FRAS1: variants seen among roughly 807,000 people sequenced by gnomAD.
The protein encoded by FRAS1 is extracellular matrix organizing protein FRAS1.
A neutral mutation model predicts 435.2 loss-of-function variants in FRAS1; 290 were observed. The ratio of observed to expected loss-of-function variants is 0.67; its 90% CI spans 0.61 to 0.73. FRAS1 has a LOEUF of 0.73. Among genes scored for constraint, FRAS1 ranks in the 30% least tolerant of loss-of-function variants. The probability of loss-of-function intolerance (pLI) is 0.00; values close to 1 mark genes in which losing one functional copy is unlikely to be tolerated. For synonymous variants in FRAS1, 1,800 were observed against 1,851.0 expected, an observed-to-expected ratio of 0.97 and a Z score of 0.71; for missense variants, 4,860 against 5,001.5, an observed-to-expected ratio of 0.97 and a Z score of 0.85.
intron 58 of FRAS1, among the ~76,000 whole-genome samples, chr4:78,482,864 C>T (rs1385448560): frequency 6.6e-6 from 1 of 152,092 alleles, no homozygotes; most frequent in Non-Finnish European, 1.5e-5. Context: ...TACTATACAT[C>T]CAGCACTATG....
intron 20 of FRAS1, among the ~76,000 whole-genome samples, chr4:78,355,108 G>A (rs1730798322): frequency 6.6e-6 from 1 of 151,998 alleles, no homozygotes; most frequent in South Asian, 2.1e-4. Context: ...TCTACGTGCT[G>A]TGCATATTTA....
At chr4:78,440,222 C>CG (rs1409361196) in intron 40 of FRAS1, among the ~76,000 whole-genome samples, 19 of 151,392 alleles carry the variant, frequency 1.3e-4, no homozygotes, top group Admixed American at 1.2e-3. Context: ...TTAGTAGAGA[C>CG]GGGGTTTCAC....
intron 12 of FRAS1, among the ~76,000 whole-genome samples, chr4:78,283,470 A>T (rs1727427004): frequency 6.6e-6 from 1 of 152,244 alleles, no homozygotes; most frequent in South Asian, 2.1e-4. Flanking sequence ...TTGTTCTGCA[A>T]TTCTGCTTTC....
chr4:78,543,262 T>C lies in FRAS1; in HGVS notation c.*2138T>C, dbSNP rs1722110601. On this transcript the variant is annotated 3_prime_UTR_variant, in exon 74 of 74. Coordinates refer to ENST00000512123, the MANE Select transcript of FRAS1 (RefSeq NM_025074.7). ...CCAGAACAACCTAGAGAGTGAATGCTAATTTGTAGAGCGAACTTCCATTTG... is the reference window on the plus strand; with the variant it reads ...CCAGAACAACCTAGAGAGTGAATGCCAATTTGTAGAGCGAACTTCCATTTG... The C allele has an allele frequency of 6.6e-6, 1 of 152,258 alleles. No homozygotes were observed. Among genetic ancestry groups the C allele is most frequent in the Non-Finnish European group, 1.5e-5 (1 of 68,052 alleles). The allele number at this position is 152,258 out of a possible 1,614,324, so 9.4% of individuals were successfully genotyped here.
At chr4:78,460,861 G>T (rs1719350354) in intron 47 of FRAS1, among the ~76,000 whole-genome samples, 1 of 152,200 alleles carries the variant, frequency 6.6e-6, no homozygotes. Flanking sequence ...AAACTGAAAT[G>T]TCATTATGTG....
chr4:78,441,690 G>C (rs1160361254), intron 41 of FRAS1, among the ~76,000 whole-genome samples: 1 of 152,104 alleles, frequency 6.6e-6, no homozygotes, highest in Non-Finnish European at 1.5e-5. Flanking sequence ...GGGGCAGAAG[G>C]GCTTGTGGAT....
At chr4:78,446,594 A>T in intron 42 of FRAS1, 133 bp from the exon 43 acceptor site, 1 of 1,402,854 alleles carries the variant, frequency 7.1e-7, no homozygotes, top group Non-Finnish European at 9.2e-7. Flanking sequence ...TTGCTTGGGA[A>T]GTAAAGATGG....
At chr4:78,474,531 A>G (rs531010682) in intron 53 of FRAS1, among the ~76,000 whole-genome samples, 2 of 152,350 alleles carry the variant, frequency 1.3e-5, no homozygotes, top group South Asian at 2.1e-4. Flanking sequence ...ACTTTTACAT[A>G]TGTAATGTTT....
In FRAS1 at chr4:78,274,097, T is replaced by G. The variant is rs1189496143; in HGVS notation, c.982-4558T>G. ...TTTCCTTTAGATTTTCTAGTTTATT[T>G]GCATAGAGGTGTTTATAGTATTCTC... On this transcript the variant is annotated intron_variant, in intron 9 of 73. Coordinates refer to ENST00000512123, the MANE Select transcript of FRAS1 (RefSeq NM_025074.7). Among the ~76,000 whole-genome samples the G allele has an allele frequency of 2.0e-5, 3 of 152,248 alleles. No individual in the cohort carries two copies. The East Asian group carries it at 5.8e-4, about 29-fold the overall frequency.
rs796522207 is a variant in FRAS1 at position 78,114,908 on chromosome 4, A to G, written c.108+48892A>G. 4.6e-5 allele frequency among the ~76,000 whole-genome samples: 7 copies of G among 152,268 alleles called. No individual in the cohort carries two copies. In the East Asian group the frequency reaches 1.3e-3, roughly 29 times the overall value. On this transcript the variant is annotated intron_variant, in intron 2 of 73. Transcript: ENST00000512123. ...AGAGAGGGCATCCCTGTCTTGTGCCAGTTTTCAAAGGGAATGCTTCCAGTT... is the reference window on the plus strand; with the variant it reads ...AGAGAGGGCATCCCTGTCTTGTGCCGGTTTTCAAAGGGAATGCTTCCAGTT...
At chr4:78,128,449 C>T (rs1262313586) in intron 2 of FRAS1, among the ~76,000 whole-genome samples, 3 of 152,212 alleles carry the variant, frequency 2.0e-5, no homozygotes, top group African/African-American at 7.2e-5. Flanking sequence ...GCCATTCTAA[C>T]TGGTGTGAGA....
chr4:78,361,123 T>C (rs1157379782), intron 20 of FRAS1, among the ~76,000 whole-genome samples: 1 of 152,226 alleles, frequency 6.6e-6, no homozygotes, highest in East Asian at 1.9e-4. Context: ...TACCCACTTG[T>C]TAAGGTAGTC....
chr4:78,372,097 CAT>C (rs1163496049), intron 23 of FRAS1, among the ~76,000 whole-genome samples: 1 of 152,216 alleles, frequency 6.6e-6, no homozygotes, highest in Non-Finnish European at 1.5e-5. Flanking sequence ...AGCAAATTAA[CAT>C]GTAATTGAGT....
At chr4:78,156,321 AT>A (rs572235027) in intron 2 of FRAS1, among the ~76,000 whole-genome samples, 8,573 of 144,978 alleles carry the variant, frequency 0.059, 261 homozygotes, top group Middle Eastern at 0.1. Flanking sequence ...GAAAGTCCTC[AT>A]TTTTTTTTTT....
chr4:78,294,144 G>A (rs1728035900), intron 14 of FRAS1, among the ~76,000 whole-genome samples: 3 of 152,084 alleles, frequency 2.0e-5, no homozygotes, highest in Admixed American at 2.0e-4. Flanking sequence ...TCCCTGTTCT[G>A]CCCTCCCCTG....
intron 23 of FRAS1, among the ~76,000 whole-genome samples, chr4:78,371,098 T>TG (rs1296192628): frequency 6.6e-6 from 1 of 151,038 alleles, no homozygotes; most frequent in African/African-American, 2.4e-5. Flanking sequence ...TTTGTTTTTT[T>TG]TTTTTTTTGC....
chr4:78,418,908 T>C (rs771801410), intron 32 of FRAS1, 41 bp from the exon 33 acceptor site: 2 of 1,273,882 alleles, frequency 1.6e-6, no homozygotes, highest in East Asian at 2.4e-5. Context: ...GCTTTTGTTT[T>C]TCATACCATG....
chr4:78,169,277 A>G lies in FRAS1; in HGVS notation c.109-68233A>G, dbSNP rs373294664. 5.9e-5 allele frequency among the ~76,000 whole-genome samples: 9 copies of G among 152,178 alleles called. No homozygotes were observed. In the South Asian group the frequency reaches 1.5e-3, roughly 25 times the overall value. On this transcript the variant is annotated intron_variant, in intron 2 of 73. Transcript: ENST00000512123. ...ACTGGGTCTACTTTTCATTAACCAT[A>G]TTACTTCTGGCAAATTGTTTTACCT...
At chr4:78,114,146 C>T (rs538891614) in intron 2 of FRAS1, among the ~76,000 whole-genome samples, 6 of 152,118 alleles carry the variant, frequency 3.9e-5, no homozygotes, top group South Asian at 2.1e-4. Flanking sequence ...TGTAGGTATG[C>T]GGCATTACTT....
Sources: gnomAD v4.1 joint callset for allele counts (sites outside exome capture counted in the v4.1 genomes callset) on GRCh38, gnomAD v4.1.1 for gene constraint, MANE v1.5 for transcripts, NCBI Gene and HGNC (gene_info 2026-07-23, HGNC 2026-07-21) for gene names.